Variants in SPIRE1 observed in about 807,000 individuals in gnomAD.
SPIRE1 encodes protein spire homolog 1.
Under a neutral mutation model 94.1 loss-of-function variants are expected in SPIRE1, and 40 were observed. The observed-to-expected ratio is 0.43, with a 90% confidence interval of 0.33 to 0.55. The LOEUF (loss-of-function observed/expected upper bound fraction) is 0.55, where lower values mean the gene tolerates loss of function less well. SPIRE1 is among the 20% of genes least tolerant of loss of function. The pLI, the probability that SPIRE1 is intolerant of heterozygous loss-of-function variation, is 0.06. For synonymous variants in SPIRE1, 376 were observed against 371.7 expected, an observed-to-expected ratio of 1.01 and a Z score of -0.13; for missense variants, 838 against 975.2, an observed-to-expected ratio of 0.86 and a Z score of 1.87.
chr18:12,545,996 A>ATTT (rs2035152363), intron 3 of SPIRE1, among the ~76,000 whole-genome samples: 1 of 152,058 alleles, frequency 6.6e-6, no homozygotes, highest in Admixed American at 6.6e-5. Flanking sequence ...CTTTATTATT[A>ATTT]TTATTATTAT....
Position 12,475,749 on chromosome 18 carries a change from C to A in SPIRE1, c.1404+3950G>T, listed in dbSNP as rs184461279. 4.3e-3 allele frequency among the ~76,000 whole-genome samples: 653 copies of A among 152,274 alleles called. 4 individuals are homozygous for A. The highest frequency in any genetic ancestry group is 0.037 in the Middle Eastern group (11 of 294). On this transcript the variant is annotated intron_variant, in intron 10 of 16. Coordinates refer to ENST00000409402, the MANE Select transcript of SPIRE1 (RefSeq NM_001128626.2). ...CCTCAACATCTTTTCCAGTTTCATG[C>A]TTCTGGAGCAAAACTACCACGTTTT... is the stretch of plus-strand genomic sequence containing the variant.
At chr18:12,554,196 G>A (rs1377965372) in intron 2 of SPIRE1, among the ~76,000 whole-genome samples, 1 of 151,718 alleles carries the variant, frequency 6.6e-6, no homozygotes, top group East Asian at 1.9e-4. Context: ...CTACTTGGGA[G>A]GCTGACGCAC....
At chr18:12,506,454 G>C in intron 6 of SPIRE1, 23 bp downstream of exon 6, 1 of 1,611,546 alleles carries the variant, frequency 6.2e-7, no homozygotes, top group South Asian at 1.1e-5. Context: ...CCACATGCCC[G>C]GCCTGACAGC....
chr18:12,628,251 T>C (rs557322840), intron 2 of SPIRE1, among the ~76,000 whole-genome samples: 2 of 152,344 alleles, frequency 1.3e-5, no homozygotes, highest in South Asian at 4.1e-4. Context: ...GGATCCAGTT[T>C]CAGCTTTCTA....
chr18:12,598,934 C>T (rs187115928), intron 2 of SPIRE1, among the ~76,000 whole-genome samples: 1 of 152,088 alleles, frequency 6.6e-6, no homozygotes, highest in Non-Finnish European at 1.5e-5. Context: ...TACAGAAACG[C>T]CTCAAAAATA....
Position 12,655,187 on chromosome 18 carries a change from C to T in SPIRE1, c.337+2343G>A, listed in dbSNP as rs185858931. Among the ~76,000 whole-genome samples the T allele has an allele frequency of 8.7e-3, 1,301 of 149,806 alleles. 59 individuals are homozygous for T. The highest frequency in any genetic ancestry group is 0.077 in the Admixed American group (1,169 of 15,086). ...GAGCTATGACTACAGCACTGCACTC[C>T]AGCCTTCAGCAGCCTGGGCAATACA... is the stretch of plus-strand genomic sequence containing the variant. On this transcript the variant is annotated intron_variant, in intron 1 of 16. Coordinates refer to ENST00000409402, the MANE Select transcript of SPIRE1 (RefSeq NM_001128626.2).
At chr18:12,539,502 ACAGTAT>A (rs1324776933) in intron 3 of SPIRE1, among the ~76,000 whole-genome samples, 1 of 152,060 alleles carries the variant, frequency 6.6e-6, no homozygotes, top group African/African-American at 2.4e-5. Flanking sequence ...AAGGACTAAT[ACAGTAT>A]TGAACAAGTC....
At chr18:12,633,825 C>T (rs896346868) in intron 2 of SPIRE1, among the ~76,000 whole-genome samples, 1 of 152,168 alleles carries the variant, frequency 6.6e-6, no homozygotes, top group South Asian at 2.1e-4. Context: ...GATGATGAAA[C>T]TGCTACTGAA....
At chr18:12,657,503 C>G (rs2038583443) in intron 1 of SPIRE1, 27 bp downstream of exon 1, 15 of 1,228,500 alleles carry the variant, frequency 1.2e-5, no homozygotes, top group Non-Finnish European at 1.5e-5. Context: ...CCAAGAACTA[C>G]GAGGGAAAGG....
At chr18:12,589,810 A>C (rs1172801145) in intron 2 of SPIRE1, among the ~76,000 whole-genome samples, 1 of 152,220 alleles carries the variant, frequency 6.6e-6, no homozygotes, top group Non-Finnish European at 1.5e-5. Context: ...CTATGTCAAA[A>C]CAGGGAAGCA....
chr18:12,578,538 C>A (rs2036171515), intron 2 of SPIRE1, among the ~76,000 whole-genome samples: 1 of 152,190 alleles, frequency 6.6e-6, no homozygotes, highest in South Asian at 2.1e-4. Flanking sequence ...ATGATTGGAG[C>A]AGTGATTACA....
intron 4 of SPIRE1, among the ~76,000 whole-genome samples, chr18:12,512,775 C>CTT (rs35531986): frequency 7.1e-6 from 1 of 140,304 alleles, no homozygotes; most frequent in African/African-American, 2.7e-5. Context: ...CTTTCTTTTT[C>CTT]TTTTTTTTTT....
chr18:12,454,272 AC>A, intron 13 of SPIRE1, 73 bp downstream of exon 13: 1 of 1,553,528 alleles, frequency 6.4e-7, no homozygotes, highest in Non-Finnish European at 8.8e-7. Context: ...CTAGCAGATA[AC>A]TCTCCCAGGA....
Position 12,626,886 on chromosome 18 carries a change from A to ATATATATATATT in SPIRE1, c.372+8175_372+8176insAATATATATATA, listed in dbSNP as rs55915333. ...CTGTAAAATATATATATATATATAT[A>ATATATATATATT]TTTTTTTTTTTTTTTTGCCCAGAGG... On this transcript the variant is annotated intron_variant, in intron 2 of 16. Transcript: ENST00000409402. Among the ~76,000 whole-genome samples, 771 of 111,844 alleles carry ATATATATATATT rather than the reference A, an allele frequency of 6.9e-3. 5 individuals are homozygous for ATATATATATATT. The highest frequency in any genetic ancestry group is 0.016 in the South Asian group (46 of 2,914). The allele number at this position is 111,844 out of a possible 152,430, so 73.4% of individuals were successfully genotyped here. A position where few individuals can be genotyped will look rare whatever the true frequency, so the allele number is the denominator to read the frequency against.
chr18:12,455,672 G>C (rs2031475772), intron 12 of SPIRE1, among the ~76,000 whole-genome samples: 1 of 152,194 alleles, frequency 6.6e-6, no homozygotes, highest in Admixed American at 6.5e-5. Flanking sequence ...GAGAAAGACA[G>C]AACAGTCTTG....
intron 2 of SPIRE1, among the ~76,000 whole-genome samples, chr18:12,579,002 C>T (rs990994266): frequency 4.0e-5 from 6 of 151,852 alleles, no homozygotes; most frequent in African/African-American, 9.7e-5. Flanking sequence ...GGAACTTGAC[C>T]GGCTTGCTTT....
At chr18:12,512,973 G>A (rs2034084545) in intron 4 of SPIRE1, among the ~76,000 whole-genome samples, 2 of 151,674 alleles carry the variant, frequency 1.3e-5, no homozygotes, top group East Asian at 1.9e-4. Context: ...CAGAATCATC[G>A]ATTCTTCAGA....
chr18:12,490,807 T>G (rs980957558), intron 8 of SPIRE1, among the ~76,000 whole-genome samples: 3 of 152,116 alleles, frequency 2.0e-5, no homozygotes, highest in Non-Finnish European at 4.4e-5. Context: ...AGGCCACATA[T>G]GGAAAGCTGA....
chr18:12,563,807 T>TA (rs1249352442), intron 2 of SPIRE1, among the ~76,000 whole-genome samples: 4 of 152,268 alleles, frequency 2.6e-5, no homozygotes, highest in African/African-American at 7.2e-5. Flanking sequence ...CTTTAGGAGT[T>TA]ACAGAAGAAC....
Sources: gnomAD v4.1 joint callset for allele counts (sites outside exome capture counted in the v4.1 genomes callset) on GRCh38, gnomAD v4.1.1 for gene constraint, MANE v1.5 for transcripts, NCBI Gene and HGNC (gene_info 2026-07-23, HGNC 2026-07-21) for gene names.